CDC42SE2: variants seen among roughly 807,000 people sequenced by gnomAD.
The protein encoded by CDC42SE2 is CDC42 small effector 2, also known as CDC42 small effector protein 2.
CDC42SE2 carries 3 observed loss-of-function variants against 11.5 expected under a neutral mutation model. The observed-to-expected ratio is 0.26, with a 90% CI of 0.12 to 0.67. CDC42SE2 has a LOEUF of 0.67. CDC42SE2 is among the 30% of genes least tolerant of loss of function. The pLI is 0.80. For missense variants in CDC42SE2, 82 were observed against 106.8 expected (o/e 0.77, Z 1.02); for synonymous variants, 33 against 34.8 (o/e 0.95, Z 0.18).
upstream of CDC42SE2, among the ~76,000 whole-genome samples, chr5:131,242,040 A>G (rs1379401140): frequency 2.0e-5 from 3 of 152,212 alleles, no homozygotes; most frequent in Non-Finnish European, 4.4e-5. Context: ...ATTGCTATTC[A>G]TTTGCCCCAC....
chr5:131,238,890 G>A, the CDC42SE2 span, among the ~76,000 whole-genome samples: 12 of 151,562 alleles, frequency 7.9e-5, no homozygotes, highest in East Asian at 1.9e-3. Flanking sequence ...TTATTACACC[G>A]GGCACGGCTG....
intron 2 of CDC42SE2, among the ~76,000 whole-genome samples, chr5:131,351,649 T>A (rs867475938): frequency 2.2e-4 from 34 of 152,252 alleles, no homozygotes; most frequent in Admixed American, 9.2e-4. Flanking sequence ...CATATTTTTT[T>A]AAAAAATAGC....
intron 4 of CDC42SE2, among the ~76,000 whole-genome samples, chr5:131,388,005 C>G (rs1750538562): frequency 6.7e-6 from 1 of 149,986 alleles, no homozygotes; most frequent in African/African-American, 2.4e-5. Context: ...CAATTAGTAA[C>G]TTTTTTTTTT....
rs531175808 is a variant in CDC42SE2 at position 131,369,361 on chromosome 5, T to G, written c.54+9814T>G. On this transcript the variant is annotated intron_variant, in intron 3 of 4. Transcript: ENST00000505065. ...TGATAAACCTAGTACGCGACTATTA[T>G]GCACAATGCTCTTTTGTGCATTTGT... Among the ~76,000 whole-genome samples, 6 of 152,382 alleles carry G rather than the reference T, an allele frequency of 3.9e-5. No individual in the cohort carries two copies. The East Asian group carries it at 7.7e-4, about 20-fold the overall frequency.
the CDC42SE2 span, among the ~76,000 whole-genome samples, chr5:131,239,108 C>T: frequency 4.0e-5 from 6 of 150,734 alleles, no homozygotes; most frequent in Admixed American, 4.0e-4. Context: ...TGAAGTGAGC[C>T]GAGATTGCAC....
chr5:131,389,442 G>A (rs976829610), intron 4 of CDC42SE2, among the ~76,000 whole-genome samples: 4 of 152,080 alleles, frequency 2.6e-5, no homozygotes, highest in Non-Finnish European at 5.9e-5. Flanking sequence ...GATGTCATAC[G>A]AATAAGATGT....
intron 2 of CDC42SE2, among the ~76,000 whole-genome samples, chr5:131,319,878 C>T (rs1462986850): frequency 1.1e-4 from 16 of 151,418 alleles, no homozygotes; most frequent in Admixed American, 4.6e-4. Flanking sequence ...AGTGAAACCC[C>T]GTCTCTACTA....
Position 131,392,493 on chromosome 5 carries a change from T to A in CDC42SE2, c.*1402T>A, listed in dbSNP as rs1453877598. On this transcript the variant is annotated 3_prime_UTR_variant, in exon 5 of 5. Coordinates refer to ENST00000505065, the MANE Select transcript of CDC42SE2 (RefSeq NM_001375635.1). ...TTCATAGAAAAAGATTACTTGTAGC[T>A]TATTTTAGAAGTATGACCTTTTGGT... 1 of 152,442 alleles carries A rather than the reference T, an allele frequency of 6.6e-6. No individual in the cohort carries two copies. The highest frequency in any genetic ancestry group is 1.5e-5 in the Non-Finnish European group (1 of 68,032). The allele number at this position is 152,442 out of a possible 1,614,324, so 9.4% of individuals were successfully genotyped here.
intron 3 of CDC42SE2, among the ~76,000 whole-genome samples, chr5:131,369,922 T>TA (rs1749969666): frequency 6.6e-6 from 1 of 152,258 alleles, no homozygotes; most frequent in African/African-American, 2.4e-5. Flanking sequence ...CAAGTATGGT[T>TA]AAGCACTAAT....
At chr5:131,337,973 G>C (rs1471539062) in intron 2 of CDC42SE2, among the ~76,000 whole-genome samples, 1 of 152,208 alleles carries the variant, frequency 6.6e-6, no homozygotes, top group Non-Finnish European at 1.5e-5. Flanking sequence ...TGCACCCACT[G>C]TCCGGCACTC....
chr5:131,244,433 G>A (rs1329052784), upstream of CDC42SE2, among the ~76,000 whole-genome samples: 1 of 152,122 alleles, frequency 6.6e-6, no homozygotes, highest in African/African-American at 2.4e-5. Context: ...TCTTCAGGCC[G>A]GGCACAGTGG....
chr5:131,359,478 A>G lies in CDC42SE2; in HGVS notation c.-16A>G. ...TTGGAACCTTCATTGGTGCTCATTT[A>G]CTGTGGACTGTAAGCATGAGTGAAT... On this transcript the variant is annotated 5_prime_UTR_variant, in exon 3 of 5. Coordinates refer to ENST00000505065, the MANE Select transcript of CDC42SE2 (RefSeq NM_001375635.1). 2 of 1,608,054 alleles carry G rather than the reference A, an allele frequency of 1.2e-6. No individual in the cohort carries two copies. The highest frequency in any genetic ancestry group is 2.2e-5 in the South Asian group (2 of 90,962).
intron 2 of CDC42SE2, among the ~76,000 whole-genome samples, chr5:131,320,792 A>T (rs1391223952): frequency 2.0e-5 from 3 of 152,220 alleles, no homozygotes; most frequent in Non-Finnish European, 4.4e-5. Context: ...TAATTCTGGT[A>T]GATAGATCAG....
intron 1 of CDC42SE2, among the ~76,000 whole-genome samples, chr5:131,313,053 G>C (rs947545965): frequency 6.6e-6 from 1 of 151,668 alleles, no homozygotes; most frequent in Non-Finnish European, 1.5e-5. Context: ...CGTGATCTTG[G>C]CTCACTGAAA....
chr5:131,374,357 C>A (rs111375782), intron 3 of CDC42SE2, among the ~76,000 whole-genome samples: 249 of 152,076 alleles, frequency 1.6e-3, no homozygotes, highest in African/African-American at 5.7e-3. Context: ...CTGGCCAAGA[C>A]GGTGAAACCC....
chr5:131,332,809 G>A (rs542560783), intron 2 of CDC42SE2, among the ~76,000 whole-genome samples: 5 of 152,190 alleles, frequency 3.3e-5, no homozygotes, highest in African/African-American at 1.2e-4. Flanking sequence ...ACTTTTTGAT[G>A]GGGTTGTTTG....
Position 131,297,956 on chromosome 5 carries a change from C to T in CDC42SE2, c.-454-18020C>T, listed in dbSNP as rs369192524. ...TTTTTTTCTTTAAAAAGTTAATACA[C>T]GAAAACGTAATGTATTTAGCTATTT... On this transcript the variant is annotated intron_variant, in intron 1 of 4. Coordinates refer to ENST00000505065, the MANE Select transcript of CDC42SE2 (RefSeq NM_001375635.1). 1.9e-4 allele frequency among the ~76,000 whole-genome samples: 29 copies of T among 151,862 alleles called. No homozygotes were observed. In the East Asian group the frequency reaches 4.6e-3, roughly 24 times the overall value.
chr5:131,290,473 TTTTTTTTTTTTTG>T (rs1464085978), intron 1 of CDC42SE2, among the ~76,000 whole-genome samples: 1 of 133,512 alleles, frequency 7.5e-6, no homozygotes, highest in Non-Finnish European at 1.5e-5. Context: ...TTTTTCTTTC[TTTTTTTTTTTTTG>T]TTTTTTTTTT....
chr5:131,313,144 G>A (rs1481972174), intron 1 of CDC42SE2, among the ~76,000 whole-genome samples: 8 of 151,862 alleles, frequency 5.3e-5, no homozygotes, highest in Non-Finnish European at 1.2e-4. Context: ...CACGACGCCC[G>A]GCTGATTTTT....
Sources: allele counts gnomAD v4.1 joint callset (sites outside exome capture counted in the v4.1 genomes callset), GRCh38; gene constraint gnomAD v4.1.1; transcripts MANE v1.5; gene names NCBI Gene and HGNC (gene_info 2026-07-23, HGNC 2026-07-21).